Variants in UHMK1 observed in about 807,000 individuals in gnomAD.
UHMK1 encodes U2AF homology motif kinase 1, also known as serine/threonine-protein kinase Kist.
In UHMK1, 18 loss-of-function variants were observed where a neutral mutation model predicts 44.0. The observed-to-expected ratio is 0.41, with a 90% CI of 0.28 to 0.61. UHMK1 has a LOEUF of 0.61. UHMK1 is among the 20% of genes least tolerant of loss of function. UHMK1 has a pLI of 0.31. For synonymous variants in UHMK1, 231 were observed against 198.5 expected (o/e 1.16, Z -1.38); for missense variants, 463 against 522.5 (o/e 0.89, Z 1.11).
chr1:162,523,012 AGTAAT>A lies in UHMK1; in HGVS notation c.*463_*467del. 1.3e-5 allele frequency: 2 copies of A among 157,656 alleles called. No homozygotes were observed. Among genetic ancestry groups the A allele is most frequent in the South Asian group, 3.7e-4 (2 of 5,356 alleles). 9.8% of individuals were successfully genotyped at this position (157,656 alleles called of 1,614,324 possible). A position where few individuals can be genotyped will look rare whatever the true frequency, so the allele number is the denominator to read the frequency against. On this transcript the variant is annotated 3_prime_UTR_variant, in exon 8 of 8. Transcript: ENST00000489294. ...GCACTGGATGCTCTCAGTAATGTTA[AGTAAT>A]TGTCAAGCAGCAGTTACCTACTGTG... is the stretch of plus-strand genomic sequence containing the variant.
chr1:162,521,955 C>G (rs1652074953), intron 7 of UHMK1, among the ~76,000 whole-genome samples: 1 of 152,180 alleles, frequency 6.6e-6, no homozygotes. Context: ...GGTGCAATTT[C>G]CAGCAGCTTT....
At chr1:162,509,467 C>T (rs889094069) in intron 4 of UHMK1, among the ~76,000 whole-genome samples, 4 of 152,204 alleles carry the variant, frequency 2.6e-5, no homozygotes, top group Admixed American at 2.6e-4. Flanking sequence ...CTTATAGTTT[C>T]AGCTGCTTTT....
At chr1:162,498,294 T>C in intron 1 of UHMK1, 26 bp downstream of exon 1, 3 of 1,561,846 alleles carry the variant, frequency 1.9e-6, no homozygotes, top group Non-Finnish European at 2.6e-6. Context: ...TCCTTTCTCT[T>C]CTTGCCCAGG....
Position 162,512,836 on chromosome 1 carries a change from TA to T in UHMK1, c.1024+16del. 6.2e-7 allele frequency: 1 copy of T among 1,606,738 alleles called. No homozygotes were observed. Among genetic ancestry groups the T allele is most frequent in the Non-Finnish European group, 8.5e-7 (1 of 1,173,944 alleles). ...GAGGAATATGAAGGTTAGTGTTTTCTAAATTATATTTTAATGTGTCTTTCTT... is the reference window on the plus strand; with the variant it reads ...GAGGAATATGAAGGTTAGTGTTTTCTAATTATATTTTAATGTGTCTTTCTT... On this transcript the variant is annotated intron_variant, in intron 6 of 7. Coordinates refer to ENST00000489294, the MANE Select transcript of UHMK1 (RefSeq NM_175866.5).
intron 7 of UHMK1, among the ~76,000 whole-genome samples, chr1:162,519,050 C>T (rs767149765): frequency 4.7e-5 from 7 of 150,404 alleles, no homozygotes; most frequent in Non-Finnish European, 1.0e-4. Context: ...GGTGAGGTGG[C>T]TCATGCATGT....
Position 162,529,336 on chromosome 1 carries a change from C to T in UHMK1, c.*6786C>T, listed in dbSNP as rs2101692731. The stretch of plus-strand genomic sequence containing the variant: ...TGTCAGTACCAAAAAGTTATTTTCT[C>T]AAATCCCTAAATTTCTGATTTCCAT... On this transcript the variant is annotated 3_prime_UTR_variant, in exon 8 of 8. Coordinates refer to ENST00000489294, the MANE Select transcript of UHMK1 (RefSeq NM_175866.5). The T allele has an allele frequency of 6.6e-6, 1 of 152,204 alleles. No homozygotes were observed. Among genetic ancestry groups the T allele is most frequent in the East Asian group, 1.9e-4 (1 of 5,176 alleles). The allele number at this position is 152,204 out of a possible 1,614,324, so 9.4% of individuals were successfully genotyped here.
intron 7 of UHMK1, among the ~76,000 whole-genome samples, chr1:162,522,168 T>G (rs1652082760): frequency 6.6e-6 from 1 of 152,136 alleles, no homozygotes; most frequent in Non-Finnish European, 1.5e-5. Flanking sequence ...TTGAGCTGAG[T>G]TGTGAGGAAG....
rs186129683 is a variant in UHMK1, at chr1:162,512,361, A to T, written c.849-139A>T. The stretch of plus-strand genomic sequence containing the variant: ...CCATTTACTAATAAATAGCATTTGT[A>T]TTTATAAGTGAATGATTCAATAAAT... On this transcript the variant is annotated intron_variant, in intron 4 of 7. Coordinates refer to ENST00000489294, the MANE Select transcript of UHMK1 (RefSeq NM_175866.5). 1.5e-4 allele frequency: 104 copies of T among 675,870 alleles called. No homozygotes were observed. In the African/African-American group the frequency reaches 1.8e-3, roughly 11 times the overall value. 41.9% of individuals were successfully genotyped at this position (675,870 alleles called of 1,614,324 possible). A position where few individuals can be genotyped will look rare whatever the true frequency, so the allele number is the denominator to read the frequency against.
At chr1:162,518,812 C>A (rs1160214819) in intron 7 of UHMK1, among the ~76,000 whole-genome samples, 1 of 151,416 alleles carries the variant, frequency 6.6e-6, no homozygotes, top group Non-Finnish European at 1.5e-5. Context: ...CATGGTGAAC[C>A]CTTTTCTCTA....
chr1:162,503,742 C>G lies in UHMK1; in HGVS notation c.754-12C>G. On this transcript the variant is annotated splice_polypyrimidine_tract_variant and intron_variant, in intron 3 of 7. Coordinates refer to ENST00000489294, the MANE Select transcript of UHMK1 (RefSeq NM_175866.5). ...TGAATAACCAAAGGAAAACTTTTCT[C>G]CGTTTTTTAAGGCAAACAGTTCTGC... 4.3e-6 allele frequency: 7 copies of G among 1,611,684 alleles called. No individual in the cohort carries two copies. Among genetic ancestry groups the G allele is most frequent in the Non-Finnish European group, 5.1e-6 (6 of 1,178,300 alleles).
At chr1:162,500,291 TG>T (rs1285225877) in intron 2 of UHMK1, 44 bp downstream of exon 2, 1 of 1,568,514 alleles carries the variant, frequency 6.4e-7, no homozygotes, top group Non-Finnish European at 8.6e-7. Context: ...TAAAATGTAG[TG>T]GTTGAAGCCA....
Position 162,528,619 on chromosome 1 carries a change from A to G in UHMK1, c.*6069A>G, listed in dbSNP as rs1652331689. On this transcript the variant is annotated 3_prime_UTR_variant, in exon 8 of 8. Transcript: ENST00000489294. ...GGTACAGTGGGTGGCATTAGTATGCACTAGCTGCAAAGTCACAGCACCTTA... is the reference window on the plus strand; with the variant it reads ...GGTACAGTGGGTGGCATTAGTATGCGCTAGCTGCAAAGTCACAGCACCTTA... The G allele has an allele frequency of 1.3e-5, 2 of 152,210 alleles. No individual in the cohort carries two copies. The highest frequency in any genetic ancestry group is 2.1e-4 in the South Asian group (1 of 4,832). The allele number at this position is 152,210 out of a possible 1,614,324, so 9.4% of individuals were successfully genotyped here.
Position 162,529,039 on chromosome 1 carries a change from A to G in UHMK1, c.*6489A>G, listed in dbSNP as rs2101692491. 1 of 152,262 alleles carries G rather than the reference A, an allele frequency of 6.6e-6. No homozygotes were observed. Among genetic ancestry groups the G allele is most frequent in the Middle Eastern group, 3.4e-3 (1 of 294 alleles). 9.4% of individuals were successfully genotyped at this position (152,262 alleles called of 1,614,324 possible). On this transcript the variant is annotated 3_prime_UTR_variant, in exon 8 of 8. Coordinates refer to ENST00000489294, the MANE Select transcript of UHMK1 (RefSeq NM_175866.5). ...TTTTTTATAAGAAGGTATGGTTAGAAAAAAATGTGAAAGATCACTTAAACC... is the reference window on the plus strand; with the variant it reads ...TTTTTTATAAGAAGGTATGGTTAGAGAAAAATGTGAAAGATCACTTAAACC...
At chr1:162,497,412 T>C, upstream of UHMK1, 1 of 599,952 alleles carries the variant, frequency 1.7e-6, no homozygotes, top group Non-Finnish European at 3.0e-6. Flanking sequence ...CTTAGAATTG[T>C]ATTTTCGGTT....
At chr1:162,506,762 G>A (rs1651485109) in intron 4 of UHMK1, among the ~76,000 whole-genome samples, 1 of 152,112 alleles carries the variant, frequency 6.6e-6, no homozygotes, top group African/African-American at 2.4e-5. Context: ...CTACTCAGGA[G>A]GCTGAGGCAG....
chr1:162,512,521 C>G lies in UHMK1; in HGVS notation c.870C>G (p.Ser290Arg). ...LIKSMLHDDP[S>R]RRIPAEMALC... is the part of the protein sequence containing the mutation. ...TTAGCATGCTTCATGATGATCCAAG[C>G]AGAAGAATTCCTGCTGAAATGGCAT... Residue 290 changes from serine (S) to arginine (R), a missense_variant, in exon 5 of 8, where the codon AGC becomes AGG. This residue lies in a region of UHMK1 where 264 missense variants were observed against 326.3 expected (regional missense o/e 0.81). Transcript: ENST00000489294. 1 of 1,612,706 alleles carries G rather than the reference C, an allele frequency of 6.2e-7. No individual in the cohort carries two copies. The highest frequency in any genetic ancestry group is 8.5e-7 in the Non-Finnish European group (1 of 1,179,726).
chr1:162,501,926 TAAA>T (rs34424551), intron 3 of UHMK1, among the ~76,000 whole-genome samples: 44 of 130,298 alleles, frequency 3.4e-4, no homozygotes, highest in African/African-American at 1.1e-3. Context: ...CAGTCTCTAG[TAAA>T]AAAAAAAAAA....
At chr1:162,502,248 T>G (rs916635089) in intron 3 of UHMK1, among the ~76,000 whole-genome samples, 6 of 152,242 alleles carry the variant, frequency 3.9e-5, no homozygotes, top group Non-Finnish European at 8.8e-5. Flanking sequence ...AACAAGTTTT[T>G]GATACTAAGC....
intron 6 of UHMK1, among the ~76,000 whole-genome samples, chr1:162,515,803 G>A (rs1003525742): frequency 2.2e-4 from 34 of 152,088 alleles, no homozygotes; most frequent in African/African-American, 8.0e-4. Context: ...GGGAGGCCGA[G>A]GCGGATGGAT....
Sources: allele counts gnomAD v4.1 joint callset (sites outside exome capture counted in the v4.1 genomes callset), GRCh38; gene constraint gnomAD v4.1.1; regional missense constraint gnomAD v4.1.1; transcripts MANE v1.5; gene names NCBI Gene and HGNC (gene_info 2026-07-23, HGNC 2026-07-21).